ERC2: variants seen among roughly 807,000 people sequenced by gnomAD.
ERC2 encodes the protein ERC protein 2.
ERC2 carries 42 observed loss-of-function variants against 114.8 expected under a neutral mutation model. The ratio of observed to expected loss-of-function variants is 0.37; its 90% CI spans 0.29 to 0.47. ERC2 has a LOEUF of 0.47. ERC2 is among the 20% of genes least tolerant of loss of function. ERC2 has a pLI of 0.99. For missense variants in ERC2, 939 were observed against 1,150.7 expected (o/e 0.82, Z 2.66); for synonymous variants, 454 against 425.5 (o/e 1.07, Z -0.82).
intron 14 of ERC2, chr3:55,766,879 C>T (rs543291595): frequency 6.6e-6 from 1 of 152,374 alleles, no homozygotes; most frequent in African/African-American, 2.4e-5. Context: ...CTTCCTGGAA[C>T]AGGAATCCTG....
chr3:55,875,590 A>G (rs920942227), intron 14 of ERC2, among the ~76,000 whole-genome samples: 1 of 152,002 alleles, frequency 6.6e-6, no homozygotes, highest in African/African-American at 2.4e-5. Flanking sequence ...ATAGTTCTCG[A>G]TCGCTTTGCT....
intron 7 of ERC2, among the ~76,000 whole-genome samples, chr3:56,075,012 T>C (rs1471790897): frequency 1.3e-5 from 2 of 152,174 alleles, no homozygotes; most frequent in African/African-American, 2.4e-5. Context: ...ATGATTATGG[T>C]TGGGGCACTC....
At chr3:55,582,415 A>C (rs956263834) in intron 17 of ERC2, among the ~76,000 whole-genome samples, 30 of 152,170 alleles carry the variant, frequency 2.0e-4, no homozygotes, top group Non-Finnish European at 3.7e-4. Context: ...TCTCCTCCTC[A>C]AACAGTGTCA....
intron 3 of ERC2, among the ~76,000 whole-genome samples, chr3:56,233,501 G>A (rs892650980): frequency 2.6e-5 from 4 of 151,940 alleles, no homozygotes; most frequent in East Asian, 3.9e-4. Flanking sequence ...AAAATTAGCC[G>A]GGAGTGGTGG....
chr3:56,219,277 T>C (rs936774854), intron 3 of ERC2, among the ~76,000 whole-genome samples: 3 of 152,098 alleles, frequency 2.0e-5, no homozygotes, highest in Non-Finnish European at 2.9e-5. Context: ...CTGAAACCTA[T>C]TGAAATTTAA....
chr3:56,253,091 A>G (rs1452617436), intron 3 of ERC2, among the ~76,000 whole-genome samples: 1 of 152,060 alleles, frequency 6.6e-6, no homozygotes, highest in Non-Finnish European at 1.5e-5. Context: ...CAACTCTCAC[A>G]CCTGTTCCAG....
In ERC2 at chr3:56,429,058, G is replaced by C. The variant is rs1006195762; in HGVS notation, c.657+5293C>G. 1.4e-4 allele frequency among the ~76,000 whole-genome samples: 21 copies of C among 151,956 alleles called. 1 individual carries two copies. The highest frequency in any genetic ancestry group is 5.1e-4 in the African/African-American group (21 of 41,350). ...CGTTAACAATTGCACAAAATACCGAGGAATATGAAAAGTCAGTAACTCTTA... is the reference window on the plus strand; with the variant it reads ...CGTTAACAATTGCACAAAATACCGACGAATATGAAAAGTCAGTAACTCTTA... On this transcript the variant is annotated intron_variant, in intron 2 of 17. Transcript: ENST00000288221.
At chr3:55,644,531 A>C (rs1333815818) in intron 17 of ERC2, among the ~76,000 whole-genome samples, 1 of 152,180 alleles carries the variant, frequency 6.6e-6, no homozygotes, top group Non-Finnish European at 1.5e-5. Context: ...TATTAGTAAA[A>C]TTAGGACAAT....
chr3:55,810,647 A>T (rs2059686042), intron 14 of ERC2, among the ~76,000 whole-genome samples: 1 of 152,140 alleles, frequency 6.6e-6, no homozygotes, highest in Admixed American at 6.5e-5. Context: ...TTCAGTAGAG[A>T]CAGGGTTTCA....
At chr3:55,681,606 A>T (rs1404340053) in intron 17 of ERC2, among the ~76,000 whole-genome samples, 1 of 152,232 alleles carries the variant, frequency 6.6e-6, no homozygotes, top group African/African-American at 2.4e-5. Flanking sequence ...TATCTAAGCA[A>T]ACTTGTTTAA....
chr3:56,166,149 A>G (rs780693128), intron 4 of ERC2, among the ~76,000 whole-genome samples: 22 of 152,138 alleles, frequency 1.4e-4, no homozygotes, highest in Middle Eastern at 3.4e-3. Flanking sequence ...TATGAATTAT[A>G]TTCATTTTCT....
chr3:56,203,341 G>C (rs1008546059), intron 3 of ERC2, among the ~76,000 whole-genome samples: 1 of 151,976 alleles, frequency 6.6e-6, no homozygotes, highest in African/African-American at 2.4e-5. Flanking sequence ...CGGATTTTTC[G>C]TCCACTTTTG....
intron 5 of ERC2, among the ~76,000 whole-genome samples, chr3:56,142,190 A>T (rs942253173): frequency 4.6e-5 from 7 of 152,130 alleles, no homozygotes; most frequent in Admixed American, 3.3e-4. Flanking sequence ...TGTTTCATCT[A>T]AATTTTCACA....
chr3:56,083,810 A>G lies in ERC2; in HGVS notation c.1474-2826T>C, dbSNP rs142963248. ...CCTCCATAGCAGGAAGTCAACAGAT[A>G]GTAGCTATACCAGCAATCAGGAAGT... On this transcript the variant is annotated intron_variant, in intron 6 of 17. Coordinates refer to ENST00000288221, the MANE Select transcript of ERC2 (RefSeq NM_015576.3). Among the ~76,000 whole-genome samples, 1,017 of 152,188 alleles carry G rather than the reference A, an allele frequency of 6.7e-3. 11 individuals are homozygous for G. Among genetic ancestry groups the G allele is most frequent in the African/African-American group, 0.023 (962 of 41,534 alleles).
At chr3:56,438,106 T>C (rs2062109784) in intron 1 of ERC2, among the ~76,000 whole-genome samples, 1 of 152,222 alleles carries the variant, frequency 6.6e-6, no homozygotes, top group African/African-American at 2.4e-5. Flanking sequence ...TGAAAAAACA[T>C]AGAAATTGAC....
At chr3:55,811,214 G>C (rs1028875659) in intron 14 of ERC2, among the ~76,000 whole-genome samples, 7 of 152,280 alleles carry the variant, frequency 4.6e-5, no homozygotes, top group African/African-American at 1.7e-4. Flanking sequence ...ACAGATTCTA[G>C]ATCAAGTCAG....
intron 13 of ERC2, among the ~76,000 whole-genome samples, chr3:55,909,856 A>G (rs951965615): frequency 5.9e-5 from 9 of 152,176 alleles, no homozygotes; most frequent in African/African-American, 1.9e-4. Flanking sequence ...AACACAAAAT[A>G]TTAGGTTTTT....
chr3:55,914,219 G>C (rs142174049), intron 13 of ERC2, among the ~76,000 whole-genome samples: 9 of 152,270 alleles, frequency 5.9e-5, no homozygotes, highest in African/African-American at 2.2e-4. Flanking sequence ...GTCAACAACT[G>C]AGGTTTTTTC....
At chr3:55,934,268 A>G (rs2066303345) in intron 13 of ERC2, among the ~76,000 whole-genome samples, 1 of 152,234 alleles carries the variant, frequency 6.6e-6, no homozygotes, top group Non-Finnish European at 1.5e-5. Flanking sequence ...CAAATCTTCA[A>G]TACAGTTTAA....
Sources: allele counts gnomAD v4.1 joint callset (sites outside exome capture counted in the v4.1 genomes callset), GRCh38; gene constraint gnomAD v4.1.1; transcripts MANE v1.5; gene names NCBI Gene and HGNC (gene_info 2026-07-23, HGNC 2026-07-21).